Variants in RAPGEF6 observed in about 807,000 individuals in gnomAD.
The protein encoded by RAPGEF6 is PDZ domain containing guanine nucleotide exchange factor (GEF) 2.
RAPGEF6 carries 56 observed loss-of-function variants against 171.4 expected under a neutral mutation model. The observed-to-expected ratio is 0.33, with a 90% CI of 0.26 to 0.41. The LOEUF (loss-of-function observed/expected upper bound fraction) is 0.41. Among genes scored for constraint, RAPGEF6 ranks in the 10% least tolerant of loss-of-function variants. The pLI, the probability that RAPGEF6 is intolerant of heterozygous loss-of-function variation, is 1.00. For missense variants in RAPGEF6, 1,674 were observed against 1,921.4 expected (o/e 0.87, Z 2.41); for synonymous variants, 692 against 650.1 (o/e 1.06, Z -0.98).
intron 15 of RAPGEF6, among the ~76,000 whole-genome samples, chr5:131,486,140 C>T (rs1170918704): frequency 6.6e-6 from 1 of 152,168 alleles, no homozygotes; most frequent in East Asian, 1.9e-4. Flanking sequence ...TCAATCCTAA[C>T]AAAGGTTGTA....
At chr5:131,605,624 T>C (rs1006460650) in intron 1 of RAPGEF6, among the ~76,000 whole-genome samples, 1 of 152,228 alleles carries the variant, frequency 6.6e-6, no homozygotes, top group African/African-American at 2.4e-5. Context: ...CTTCCCACTC[T>C]GATATACAAC....
Position 131,479,762 on chromosome 5 carries a change from A to G in RAPGEF6, c.1841-9T>C, listed in dbSNP as rs1233922472. Reference sequence around the variant, plus strand: ...AAGTAACTCTTTGAACACTGTGGAAATAAAACAAATGCGTCATTTTATTTC... The same window carrying G: ...AAGTAACTCTTTGAACACTGTGGAAGTAAAACAAATGCGTCATTTTATTTC... On this transcript the variant is annotated splice_polypyrimidine_tract_variant and intron_variant, in intron 15 of 27. Transcript: ENST00000509018. The G allele has an allele frequency of 6.2e-7, 1 of 1,604,114 alleles. No individual in the cohort carries two copies. Among genetic ancestry groups the G allele is most frequent in the East Asian group, 2.2e-5 (1 of 44,746 alleles).
intron 4 of RAPGEF6, among the ~76,000 whole-genome samples, chr5:131,571,637 C>T (rs750214534): frequency 5.3e-5 from 8 of 152,226 alleles, no homozygotes; most frequent in Non-Finnish European, 8.8e-5. Context: ...ATGTTCACTT[C>T]TCCCTAAACT....
intron 4 of RAPGEF6, among the ~76,000 whole-genome samples, chr5:131,583,764 G>A (rs142116058): frequency 4.0e-4 from 61 of 152,260 alleles, no homozygotes; most frequent in African/African-American, 1.4e-3. Flanking sequence ...CCTGGCCATG[G>A]TTATTCATAC....
At position 131,538,113 on chromosome 5, in the gene RAPGEF6, A is replaced by G. The variant is rs202030888; in HGVS notation, c.495+9934T>C. 2.0e-5 allele frequency among the ~76,000 whole-genome samples: 3 copies of G among 152,166 alleles called. No individual in the cohort carries two copies. The East Asian group carries it at 5.8e-4, about 29-fold the overall frequency. On this transcript the variant is annotated intron_variant, in intron 6 of 27. Coordinates refer to ENST00000509018, the MANE Select transcript of RAPGEF6 (RefSeq NM_016340.6). ...AAATAAAACCTAAAAAACCAAAAACAAAAAACCACTACAACAATAAAAAAA... is the reference window on the plus strand; with the variant it reads ...AAATAAAACCTAAAAAACCAAAAACGAAAAACCACTACAACAATAAAAAAA...
rs55782171 is a variant in RAPGEF6 at position 131,511,481 on chromosome 5, C to CTTTTT, written c.628-995_628-991dup. ...CCTTTTTTACTGCCAAAAAGATCAT[C>CTTTTT]TTTTTTTTTTTTTTTTCTTTTTTTT... On this transcript the variant is annotated intron_variant, in intron 7 of 27. Coordinates refer to ENST00000509018, the MANE Select transcript of RAPGEF6 (RefSeq NM_016340.6). 3.9e-4 allele frequency among the ~76,000 whole-genome samples: 54 copies of CTTTTT among 137,316 alleles called. 2 individuals carry two copies. The highest frequency in any genetic ancestry group is 4.3e-4 in the East Asian group (2 of 4,620). 90.1% of individuals were successfully genotyped at this position (137,316 alleles called of 152,430 possible).
intron 1 of RAPGEF6, among the ~76,000 whole-genome samples, chr5:131,612,648 T>C (rs1765002591): frequency 6.6e-6 from 1 of 152,128 alleles, no homozygotes; most frequent in Non-Finnish European, 1.5e-5. Flanking sequence ...CTTGTTCTGG[T>C]GGCAAACAAG....
chr5:131,563,122 T>C (rs1221449591), intron 4 of RAPGEF6, among the ~76,000 whole-genome samples: 2 of 151,852 alleles, frequency 1.3e-5, no homozygotes, highest in African/African-American at 4.8e-5. Flanking sequence ...ATATGAAATA[T>C]ACAGAGCTCA....
At chr5:131,631,342 G>A (rs1254195359) in intron 1 of RAPGEF6, among the ~76,000 whole-genome samples, 1 of 152,010 alleles carries the variant, frequency 6.6e-6, no homozygotes, top group Admixed American at 6.6e-5. Flanking sequence ...TTCCCATCTC[G>A]CTGATGGCAG....
intron 4 of RAPGEF6, among the ~76,000 whole-genome samples, chr5:131,563,596 C>A (rs892435035): frequency 1.3e-5 from 2 of 152,186 alleles, no homozygotes; most frequent in African/African-American, 4.8e-5. Context: ...CTCGACATCC[C>A]TGGGCTCAGG....
chr5:131,587,640 G>A (rs530535325), intron 4 of RAPGEF6, among the ~76,000 whole-genome samples: 25 of 152,278 alleles, frequency 1.6e-4, no homozygotes, highest in Admixed American at 5.9e-4. Flanking sequence ...TTGGCACGGT[G>A]AGTTCTTTAA....
At chr5:131,611,669 T>C (rs1187722910) in intron 1 of RAPGEF6, among the ~76,000 whole-genome samples, 3 of 152,292 alleles carry the variant, frequency 2.0e-5, no homozygotes, top group South Asian at 4.1e-4. Context: ...GAGATTCTTG[T>C]CTCAAAAAGA....
At chr5:131,433,401 G>A (rs371747807) in intron 25 of RAPGEF6, 29 bp downstream of exon 25, 1 of 1,585,596 alleles carries the variant, frequency 6.3e-7, no homozygotes, top group Non-Finnish European at 8.7e-7. Context: ...CTTGGGTTTT[G>A]TGTTATGAAC....
chr5:131,448,416 GT>G (rs1752857260), intron 21 of RAPGEF6, among the ~76,000 whole-genome samples: 1 of 152,122 alleles, frequency 6.6e-6, no homozygotes, highest in Non-Finnish European at 1.5e-5. Flanking sequence ...TAAGCATAAA[GT>G]AGAAATTCTC....
At chr5:131,625,773 G>A (rs201010770) in intron 1 of RAPGEF6, among the ~76,000 whole-genome samples, 1 of 146,366 alleles carries the variant, frequency 6.8e-6, no homozygotes, top group African/African-American at 2.5e-5. Flanking sequence ...CCGAGATAGC[G>A]CCACTGCGCT....
intron 8 of RAPGEF6, among the ~76,000 whole-genome samples, chr5:131,508,517 G>T (rs1338490338): frequency 6.6e-6 from 1 of 152,080 alleles, no homozygotes; most frequent in Non-Finnish European, 1.5e-5. Flanking sequence ...CCACTCCATG[G>T]GTTTAGTTAT....
chr5:131,535,146 T>C (rs1288723262), intron 6 of RAPGEF6, among the ~76,000 whole-genome samples: 1 of 152,144 alleles, frequency 6.6e-6, no homozygotes, highest in South Asian at 2.1e-4. Context: ...GATGACATCA[T>C]CCTTTTCCTT....
intron 11 of RAPGEF6, 65 bp downstream of exon 11, chr5:131,504,561 A>G: frequency 6.9e-7 from 1 of 1,457,408 alleles, no homozygotes; most frequent in Non-Finnish European, 9.2e-7. Flanking sequence ...AATGGTTTAA[A>G]ACAAGATGAA....
intron 5 of RAPGEF6, among the ~76,000 whole-genome samples, chr5:131,552,374 A>G (rs1280874289): frequency 6.6e-6 from 1 of 152,162 alleles, no homozygotes; most frequent in Admixed American, 6.5e-5. Context: ...CAATACCTCA[A>G]GCATGCAAGT....
Sources: gnomAD v4.1 joint callset for allele counts (sites outside exome capture counted in the v4.1 genomes callset) on GRCh38, gnomAD v4.1.1 for gene constraint, MANE v1.5 for transcripts, NCBI Gene and HGNC (gene_info 2026-07-23, HGNC 2026-07-21) for gene names.